ANKRD31: variants seen among roughly 807,000 people sequenced by gnomAD.
The protein encoded by ANKRD31 is ankyrin repeat domain 31.
In ANKRD31, 147 loss-of-function variants were observed where a neutral mutation model predicts 186.0. The observed-to-expected ratio is 0.79, with a 90% CI of 0.69 to 0.91. ANKRD31 has a LOEUF of 0.91. Among genes scored for constraint, ANKRD31 ranks in the 40% least tolerant of loss-of-function variants. ANKRD31 has a pLI of 0.00. For missense variants in ANKRD31, 1,986 were observed against 2,148.8 expected, an observed-to-expected ratio of 0.92 and a Z score of 1.50; for synonymous variants, 673 against 736.4, an observed-to-expected ratio of 0.91 and a Z score of 1.39.
intron 2 of ANKRD31, among the ~76,000 whole-genome samples, chr5:75,228,571 C>A (rs1757774237): frequency 6.6e-6 from 1 of 150,638 alleles, no homozygotes. Flanking sequence ...AATATGATAC[C>A]AATTATGAAA....
intron 3 of ANKRD31, among the ~76,000 whole-genome samples, chr5:75,211,503 A>G (rs1756646238): frequency 6.6e-6 from 1 of 152,182 alleles, no homozygotes; most frequent in Admixed American, 6.5e-5. Flanking sequence ...CGGCATATAC[A>G]ATCAGAAGTG....
At chr5:75,101,031 C>T (rs955312750) in intron 22 of ANKRD31, among the ~76,000 whole-genome samples, 2 of 152,166 alleles carry the variant, frequency 1.3e-5, no homozygotes, top group East Asian at 1.9e-4. Flanking sequence ...ACGGTCTTTA[C>T]AGTTTGGCAT....
chr5:75,124,578 C>G (rs1040135800), intron 17 of ANKRD31, among the ~76,000 whole-genome samples: 6 of 141,098 alleles, frequency 4.3e-5, no homozygotes, highest in African/African-American at 1.5e-4. Flanking sequence ...TGGTAAATAA[C>G]ACACACACAC....
intron 25 of ANKRD31, among the ~76,000 whole-genome samples, chr5:75,077,931 CAAAA>C (rs56910458): frequency 3.9e-4 from 26 of 66,710 alleles, no homozygotes; most frequent in African/African-American, 1.3e-3. Flanking sequence ...GACTCCGTCT[CAAAA>C]AAAAAAAAAA....
intron 2 of ANKRD31, among the ~76,000 whole-genome samples, chr5:75,224,143 A>ATATATATATATATATATG (rs1355757064): frequency 3.1e-5 from 2 of 65,342 alleles, no homozygotes; most frequent in Non-Finnish European, 5.4e-5. Flanking sequence ...ATATATATAT[A>ATATATATATATATATATG]TATATATATA....
intron 22 of ANKRD31, among the ~76,000 whole-genome samples, chr5:75,099,663 G>T (rs1368005416): frequency 6.6e-6 from 1 of 151,930 alleles, no homozygotes; most frequent in Non-Finnish European, 1.5e-5. Context: ...GTCTTGGGAG[G>T]GTGTATGTGT....
At chr5:75,118,857 C>T (rs191099744) in intron 17 of ANKRD31, among the ~76,000 whole-genome samples, 2 of 152,234 alleles carry the variant, frequency 1.3e-5, no homozygotes, top group Admixed American at 1.3e-4. Context: ...TCTAACACAG[C>T]CTCTTGTCTT....
chr5:75,104,201 G>T, intron 22 of ANKRD31, 27 bp downstream of exon 22: 2 of 1,437,796 alleles, frequency 1.4e-6, no homozygotes, highest in South Asian at 2.9e-5. Flanking sequence ...AAATTTGCAT[G>T]ATTTTAGAGA....
At chr5:75,196,342 A>C (rs1755464983) in intron 6 of ANKRD31, 142 bp from the exon 7 acceptor site, 1 of 634,192 alleles carries the variant, frequency 1.6e-6, no homozygotes, top group Non-Finnish European at 2.4e-6. Context: ...TCCATAAATA[A>C]AGGGAATACT....
rs149940800 is a variant in ANKRD31 at position 75,169,152 on chromosome 5, A to G, written c.1565-31T>C. On this transcript the variant is annotated intron_variant, in intron 10 of 25. Transcript: ENST00000506364. ...ATACAAAAAGATACGGCATTTGTTT[A>G]CATTTGGCATCTTAATAATGTTTTG... 3,222 of 1,525,894 alleles carry G rather than the reference A, an allele frequency of 2.1e-3. 15 individuals are homozygous for G. The highest frequency in any genetic ancestry group is 0.016 in the Middle Eastern group (95 of 5,936). The allele number at this position is 1,525,894 out of a possible 1,614,324, so 94.5% of individuals were successfully genotyped here.
chr5:75,131,566 A>C (rs1749838743), intron 17 of ANKRD31, among the ~76,000 whole-genome samples: 1 of 152,204 alleles, frequency 6.6e-6, no homozygotes, highest in Admixed American at 6.5e-5. Flanking sequence ...CTGCCTCTGT[A>C]GACTCCACCT....
At chr5:75,234,197 G>C (rs955402091) in intron 1 of ANKRD31, among the ~76,000 whole-genome samples, 1 of 152,030 alleles carries the variant, frequency 6.6e-6, no homozygotes, top group Non-Finnish European at 1.5e-5. Flanking sequence ...CTTTGTAAAA[G>C]AATTATAGGT....
chr5:75,207,321 A>G (rs1310345324), intron 4 of ANKRD31, among the ~76,000 whole-genome samples: 4 of 151,788 alleles, frequency 2.6e-5, no homozygotes, highest in African/African-American at 9.7e-5. Context: ...ATAGAAAAGA[A>G]TGCTGATTTT....
At chr5:75,088,491 A>G (rs1274610238) in intron 23 of ANKRD31, among the ~76,000 whole-genome samples, 3 of 152,206 alleles carry the variant, frequency 2.0e-5, no homozygotes, top group African/African-American at 7.2e-5. Flanking sequence ...TCATCCTGCA[A>G]CTGTATCACA....
chr5:75,201,682 A>C (rs757327343), intron 5 of ANKRD31, among the ~76,000 whole-genome samples: 14 of 152,218 alleles, frequency 9.2e-5, no homozygotes, highest in Non-Finnish European at 1.8e-4. Flanking sequence ...CCTCTTGGCC[A>C]TGGGCATACC....
At chr5:75,206,583 G>T in intron 4 of ANKRD31, 96 bp from the exon 5 acceptor site, 1 of 566,834 alleles carries the variant, frequency 1.8e-6, no homozygotes, top group Non-Finnish European at 2.6e-6. Flanking sequence ...CACTTAAAGG[G>T]CTTTCCAAAT....
At chr5:75,179,637 G>A (rs1008972200) in intron 10 of ANKRD31, among the ~76,000 whole-genome samples, 1 of 151,196 alleles carries the variant, frequency 6.6e-6, no homozygotes, top group African/African-American at 2.4e-5. Context: ...CAAAAACCAC[G>A]ATTATCTCAA....
intron 20 of ANKRD31, among the ~76,000 whole-genome samples, chr5:75,109,120 A>C (rs1284467932): frequency 6.6e-6 from 1 of 152,244 alleles, no homozygotes; most frequent in Admixed American, 6.5e-5. Context: ...GAGAGAAATT[A>C]TTCAACAAAT....
At chr5:75,151,166 T>C (rs1751815057) in intron 12 of ANKRD31, among the ~76,000 whole-genome samples, 1 of 151,998 alleles carries the variant, frequency 6.6e-6, no homozygotes, top group Non-Finnish European at 1.5e-5. Context: ...AATAATAAAA[T>C]AGATCCACTA....
Sources: allele counts gnomAD v4.1 joint callset (sites outside exome capture counted in the v4.1 genomes callset), GRCh38; gene constraint gnomAD v4.1.1; transcripts MANE v1.5; gene names NCBI Gene and HGNC (gene_info 2026-07-23, HGNC 2026-07-21).